ATP11C: variants seen among roughly 807,000 people sequenced by gnomAD.
ATP11C encodes the protein ATPase phospholipid transporting 11C (ATP11C blood group).
Under a neutral mutation model 97.4 loss-of-function variants are expected in ATP11C, and 36 were observed. That is an observed-to-expected ratio of 0.37 (90% confidence interval 0.28 to 0.49). The LOEUF is 0.49. Among genes scored for constraint, ATP11C ranks in the 20% least tolerant of loss-of-function variants. The probability of loss-of-function intolerance (pLI) is 0.98; values close to 1 mark genes in which losing one functional copy is unlikely to be tolerated. For missense variants in ATP11C, 730 were observed against 824.6 expected (o/e 0.89, Z 1.40); for synonymous variants, 275 against 290.9 (o/e 0.95, Z 0.56).
chrX:139,817,681 T>A (rs1364588518), intron 3 of ATP11C, among the ~76,000 whole-genome samples: 1 of 112,243 alleles, frequency 8.9e-6, no homozygotes, highest in Non-Finnish European at 1.9e-5. Flanking sequence ...GGGAGTCTAT[T>A]TAGGAGGCTA....
chrX:139,747,362 A>G (rs764803814), intron 24 of ATP11C, among the ~76,000 whole-genome samples: 3 of 111,596 alleles, frequency 2.7e-5, no homozygotes, highest in Non-Finnish European at 5.7e-5. Context: ...ATGTTGAATT[A>G]TAGGTCAGGC....
chrX:139,852,829 G>A (rs1198116583), intron 1 of ATP11C, among the ~76,000 whole-genome samples: 2 of 110,836 alleles, frequency 1.8e-5, no homozygotes, highest in East Asian at 5.8e-4. Flanking sequence ...CAGCACGAGT[G>A]GGAAGTGTGC....
At chrX:139,879,669 T>A (rs1294415391) in intron 1 of ATP11C, among the ~76,000 whole-genome samples, 1 of 112,004 alleles carries the variant, frequency 8.9e-6, no homozygotes, top group Non-Finnish European at 1.9e-5. Context: ...AATCATCACA[T>A]TGCACTGCAC....
At chrX:139,865,715 C>T (rs1489455672) in intron 1 of ATP11C, among the ~76,000 whole-genome samples, 1 of 111,081 alleles carries the variant, frequency 9.0e-6, no homozygotes, top group African/African-American at 3.3e-5. Flanking sequence ...GAGCAAAGAT[C>T]GTGCCACTGC....
At chrX:139,771,388 G>A (rs1357263967) in intron 19 of ATP11C, among the ~76,000 whole-genome samples, 2 of 111,456 alleles carry the variant, frequency 1.8e-5, no homozygotes, top group Non-Finnish European at 3.8e-5. Flanking sequence ...TCAGCAGCAT[G>A]AAAACGGACT....
intron 28 of ATP11C, among the ~76,000 whole-genome samples, chrX:139,735,510 T>C (rs2081424820): frequency 8.9e-6 from 1 of 112,130 alleles, no homozygotes; most frequent in Admixed American, 9.4e-5. Context: ...ATGAGGCCAA[T>C]GTCTTAGCAA....
At chrX:139,766,804 G>A (rs1251073676) in intron 20 of ATP11C, among the ~76,000 whole-genome samples, 3 of 112,016 alleles carry the variant, frequency 2.7e-5, no homozygotes. Context: ...TGAATACAAA[G>A]AAGCAAGGTG....
intron 1 of ATP11C, among the ~76,000 whole-genome samples, chrX:139,920,761 G>A (rs955745963): frequency 5.4e-5 from 6 of 112,112 alleles, no homozygotes; most frequent in African/African-American, 1.9e-4. Flanking sequence ...GAAATCAGTC[G>A]AAAGTCAATG....
chrX:139,921,862 T>C (rs950436629), intron 1 of ATP11C, among the ~76,000 whole-genome samples: 9 of 110,558 alleles, frequency 8.1e-5, no homozygotes, highest in Admixed American at 5.9e-4. Flanking sequence ...AGTGTCATGA[T>C]ATATTACCCC....
At chrX:139,898,984 A>C (rs992766771) in intron 1 of ATP11C, among the ~76,000 whole-genome samples, 7 of 111,750 alleles carry the variant, frequency 6.3e-5, no homozygotes, top group Non-Finnish European at 1.1e-4. Flanking sequence ...CTTTGATATG[A>C]TATGAAATGG....
At position 139,798,261 on chromosome X, in the gene ATP11C, G is replaced by A. The variant is rs370956243; in HGVS notation, c.857+12C>T. On this transcript the variant is annotated intron_variant, in intron 10 of 29. Transcript: ENST00000682941. ...ATCAATAATGACTAAATAAATTGTG[G>A]CGCATACTAACTTTTCAACAGCAGA... The A allele has an allele frequency of 1.8e-5, 21 of 1,183,981 alleles. No individual in the cohort carries two copies. In the Middle Eastern group the frequency reaches 1.4e-3, roughly 79 times the overall value.
chrX:139,780,748 G>T (rs1043562464), intron 18 of ATP11C, among the ~76,000 whole-genome samples: 5 of 112,022 alleles, frequency 4.5e-5, no homozygotes, highest in African/African-American at 1.6e-4. Context: ...GCAGCCATAA[G>T]AAAAGTAAAA....
At chrX:139,795,093 G>A (rs1389764829) in intron 12 of ATP11C, among the ~76,000 whole-genome samples, 1 of 111,913 alleles carries the variant, frequency 8.9e-6, no homozygotes, top group African/African-American at 3.2e-5. Flanking sequence ...AAAACTTCTG[G>A]CCTAAAAGAC....
intron 26 of ATP11C, among the ~76,000 whole-genome samples, chrX:139,742,370 G>A (rs974024107): frequency 9.0e-6 from 1 of 111,596 alleles, no homozygotes; most frequent in African/African-American, 3.3e-5. Flanking sequence ...GCTAGTAAGT[G>A]GCTATACTGA....
chrX:139,895,437 A>T (rs989365833), intron 1 of ATP11C, among the ~76,000 whole-genome samples: 2 of 110,735 alleles, frequency 1.8e-5, no homozygotes, highest in African/African-American at 6.6e-5. Context: ...CACCCAGCTA[A>T]TTTTGTATTT....
chrX:139,889,562 T>C (rs1009096063), intron 1 of ATP11C, among the ~76,000 whole-genome samples: 1 of 112,145 alleles, frequency 8.9e-6, no homozygotes, highest in Non-Finnish European at 1.9e-5. Context: ...CAAATTTTAC[T>C]GTATGTAAAT....
At chrX:139,853,860 AG>A (rs1374599754) in intron 1 of ATP11C, among the ~76,000 whole-genome samples, 18 of 107,473 alleles carry the variant, frequency 1.7e-4, no homozygotes, top group Admixed American at 5.0e-4. Context: ...AAAAAAAAAA[AG>A]GTAGCTTACT....
chrX:139,793,460 C>G (rs1368791003), intron 12 of ATP11C, among the ~76,000 whole-genome samples: 1 of 110,911 alleles, frequency 9.0e-6, no homozygotes, highest in African/African-American at 3.3e-5. Flanking sequence ...TTTCCTATCT[C>G]TTAGTGAGAC....
intron 1 of ATP11C, among the ~76,000 whole-genome samples, chrX:139,835,407 G>A (rs1160658337): frequency 4.5e-5 from 5 of 110,031 alleles, no homozygotes; most frequent in Non-Finnish European, 9.5e-5. Context: ...GGGAAAGTGG[G>A]GCCAGATTTT....
Sources: gnomAD v4.1 joint callset for allele counts (sites outside exome capture counted in the v4.1 genomes callset) on GRCh38, gnomAD v4.1.1 for gene constraint, MANE v1.5 for transcripts, NCBI Gene and HGNC (gene_info 2026-07-23, HGNC 2026-07-21) for gene names.